PRKRA: variants seen among roughly 807,000 people sequenced by gnomAD.
PRKRA encodes the protein interferon-inducible double-stranded RNA-dependent protein kinase activator A.
A neutral mutation model predicts 32.4 loss-of-function variants in PRKRA; 22 were observed. The ratio of observed to expected loss-of-function variants is 0.68; its 90% CI spans 0.49 to 0.97. The LOEUF is 0.97. PRKRA is among the 50% of genes least tolerant of loss of function. PRKRA has a pLI of 0.00. For missense variants in PRKRA, 319 were observed against 375.6 expected, an observed-to-expected ratio of 0.85 and a Z score of 1.25; for synonymous variants, 139 against 129.8, an observed-to-expected ratio of 1.07 and a Z score of -0.48.
At chr2:178,435,589 C>T (rs1696857136) in intron 7 of PRKRA, among the ~76,000 whole-genome samples, 4 of 152,000 alleles carry the variant, frequency 2.6e-5, no homozygotes, top group Admixed American at 2.0e-4. Context: ...CATTTACCTC[C>T]CAGAATCAGC....
intron 7 of PRKRA, 122 bp from the exon 8 acceptor site, chr2:178,432,376 A>G (rs1696698468): frequency 7.8e-7 from 1 of 1,283,600 alleles, no homozygotes; most frequent in Non-Finnish European, 1.1e-6. Flanking sequence ...ATACTACACC[A>G]CTCGCAATCT....
intron 7 of PRKRA, among the ~76,000 whole-genome samples, chr2:178,434,299 C>T (rs1696794222): frequency 6.6e-6 from 1 of 151,954 alleles, no homozygotes; most frequent in Non-Finnish European, 1.5e-5. Flanking sequence ...TTAGTAGAGA[C>T]AGGGTTTCAC....
intron 2 of PRKRA, among the ~76,000 whole-genome samples, chr2:178,448,689 TGA>T (rs1223687121): frequency 2.0e-5 from 3 of 151,708 alleles, no homozygotes; most frequent in African/African-American, 4.8e-5. Flanking sequence ...ACAATCCAAG[TGA>T]GAGATGATGG....
rs1161213168 is a variant in PRKRA, at chr2:178,443,321, C to A, written c.460G>T (p.Ala154Ser). The A allele has an allele frequency of 1.2e-6, 2 of 1,613,226 alleles. No homozygotes were observed. The highest frequency in any genetic ancestry group is 3.3e-5 in the Admixed American group (2 of 60,012). ...EYTLSQEGGP[A>S]HKREYTTICR... ...ATTGTAGTATATTCTCTCTTATGAG[C>A]AGGTCCTCCCTCCTGGGAAAGGGTA... Residue 154 changes from alanine to serine, a missense_variant, in exon 5 of 8, where the codon GCT (alanine) becomes TCT (serine). Transcript: ENST00000325748.
intron 3 of PRKRA, chr2:178,447,226 A>G (rs1697353413): frequency 2.7e-6 from 1 of 376,838 alleles, no homozygotes; most frequent in African/African-American, 2.1e-5. Flanking sequence ...GTTAATATTA[A>G]TATTTGCAAG....
Position 178,443,446 on chromosome 2 carries a change from T to TAA in PRKRA, c.397-63_397-62insTT. The TAA allele has an allele frequency of 3.8e-6, 3 of 781,826 alleles. No individual in the cohort carries two copies. The South Asian group carries it at 5.1e-5, about 13-fold the overall frequency. The allele number at this position is 781,826 out of a possible 1,614,324, so 48.4% of individuals were successfully genotyped here. A position where few individuals can be genotyped will look rare whatever the true frequency, so the allele number is the denominator to read the frequency against. ...TGCAATGGCTCAATCACATAAGTGT[T>TAA]TTCTTAATTTTGATCCCATTTCTAT... On this transcript the variant is annotated intron_variant, in intron 4 of 7. Coordinates refer to ENST00000325748, the MANE Select transcript of PRKRA (RefSeq NM_003690.5).
At position 178,436,130 on chromosome 2, in the gene PRKRA, A is replaced by G. The variant is rs367606024; in HGVS notation, c.784+15T>C. The G allele has an allele frequency of 7.0e-5, 55 of 788,304 alleles. No homozygotes were observed. The East Asian group carries it at 1.8e-3, about 26-fold the overall frequency. The allele number at this position is 788,304 out of a possible 1,614,324, so 48.8% of individuals were successfully genotyped here. A position where few individuals can be genotyped will look rare whatever the true frequency, so the allele number is the denominator to read the frequency against. ...TAAACATGTCTTGGGAAAGCCAAAG[A>G]AAAAAAAATCATACCTATATCCAAA... On this transcript the variant is annotated intron_variant, in intron 7 of 7. Transcript: ENST00000325748.
intron 2 of PRKRA, among the ~76,000 whole-genome samples, chr2:178,448,278 T>C (rs1575099932): frequency 6.6e-6 from 1 of 152,234 alleles, no homozygotes; most frequent in Non-Finnish European, 1.5e-5. Context: ...TTCCATCTTT[T>C]TCCTTTTAAG....
intron 6 of PRKRA, among the ~76,000 whole-genome samples, chr2:178,437,391 A>G (rs567394922): frequency 7.3e-6 from 1 of 137,068 alleles, no homozygotes; most frequent in Admixed American, 6.8e-5. Context: ...ATGCAAGCAC[A>G]CACAATCTTT....
At chr2:178,447,979 TGCA>T (rs1337272910) in intron 2 of PRKRA, among the ~76,000 whole-genome samples, 1 of 152,250 alleles carries the variant, frequency 6.6e-6, no homozygotes, top group African/African-American at 2.4e-5. Context: ...GAAATTCTTC[TGCA>T]GCAAGAAGTT....
chr2:178,450,546 C>G lies in PRKRA; in HGVS notation c.66-135G>C, dbSNP rs534850994. ...CCCCGGAGGCCAGGGCCAGAGCTGG[C>G]GAGGCTGGGGCGCACCTGTCTTCCG... is the stretch of plus-strand genomic sequence containing the variant. On this transcript the variant is annotated intron_variant, in intron 1 of 7. Coordinates refer to ENST00000325748, the MANE Select transcript of PRKRA (RefSeq NM_003690.5). The G allele has an allele frequency of 2.1e-5, 32 of 1,555,832 alleles. No homozygotes were observed. In the East Asian group the frequency reaches 7.0e-4, roughly 34 times the overall value.
rs749135777 is a variant in PRKRA at position 178,444,540 on chromosome 2, C to T, written c.318-40G>A. 5 of 782,064 alleles carry T rather than the reference C, an allele frequency of 6.4e-6. No individual in the cohort carries two copies. In the South Asian group the frequency reaches 7.2e-5, roughly 11 times the overall value. The allele number at this position is 782,064 out of a possible 1,614,324, so 48.4% of individuals were successfully genotyped here. ...AAAGTGTTATAAAACAAAATAATTT[C>T]CCCCGAATTATGAAATAAATGACAA... On this transcript the variant is annotated intron_variant, in intron 3 of 7. Transcript: ENST00000325748.
chr2:178,432,973 G>A (rs981024063), intron 7 of PRKRA, among the ~76,000 whole-genome samples: 1 of 152,102 alleles, frequency 6.6e-6, no homozygotes, highest in Non-Finnish European at 1.5e-5. Context: ...CTGAAATGAG[G>A]GCAAAGAGGA....
chr2:178,435,033 A>G (rs1210462068), intron 7 of PRKRA, among the ~76,000 whole-genome samples: 1 of 151,920 alleles, frequency 6.6e-6, no homozygotes, highest in East Asian at 1.9e-4. Flanking sequence ...CCTGGCCAAC[A>G]TGGTGAAACC....
At chr2:178,449,371 C>T (rs1261624024) in intron 2 of PRKRA, among the ~76,000 whole-genome samples, 1 of 152,236 alleles carries the variant, frequency 6.6e-6, no homozygotes, top group Non-Finnish European at 1.5e-5. Context: ...AGACTCCAAA[C>T]TTCCAGGGAC....
chr2:178,445,586 A>G (rs185477394), intron 3 of PRKRA: 1 of 154,694 alleles, frequency 6.5e-6, no homozygotes, highest in Non-Finnish European at 1.5e-5. Flanking sequence ...TTTGCTGACA[A>G]AGTGCCAAGA....
At position 178,450,975 on chromosome 2, in the gene PRKRA, C is replaced by T; in HGVS notation, c.56G>A (p.Gly19Glu). ...EAPPLEREDS[G>E]TFSLGKMITA... ...CTGCCCGCACGCTGACCTGAAGGTC[C>T]CACTGTCCTCGCGCTCCAGCGGCGG... is the stretch of plus-strand genomic sequence containing the variant. Residue 19 changes from glycine to glutamate, a missense_variant, in exon 1 of 8, where the codon GGG becomes GAG. Physicochemically the swap from Gly to Glu is moderately conservative, Grantham distance 98. Coordinates refer to ENST00000325748, the MANE Select transcript of PRKRA (RefSeq NM_003690.5). 1 of 1,562,632 alleles carries T rather than the reference C, an allele frequency of 6.4e-7. No homozygotes were observed. Among genetic ancestry groups the T allele is most frequent in the African/African-American group, 1.4e-5 (1 of 71,790 alleles).
Position 178,435,383 on chromosome 2 carries a change from CAAAAAAAA to C in PRKRA, c.784+754_784+761del, listed in dbSNP as rs765962501. Among the ~76,000 whole-genome samples, 6 of 61,448 alleles carry C rather than the reference CAAAAAAAA, an allele frequency of 9.8e-5. No individual in the cohort carries two copies. The South Asian group carries it at 1.8e-3, about 18-fold the overall frequency. The allele number at this position is 61,448 out of a possible 152,430, so 40.3% of individuals were successfully genotyped here. On this transcript the variant is annotated intron_variant, in intron 7 of 7. Transcript: ENST00000325748. ...GGGCAACAGAAACAATACTCCGTCTCAAAAAAAAAAAAAAAAAAAAAAAATCAAGACAC... is the reference window on the plus strand; with the variant it reads ...GGGCAACAGAAACAATACTCCGTCTCAAAAAAAAAAAAAAAATCAAGACAC...
intron 2 of PRKRA, among the ~76,000 whole-genome samples, chr2:178,449,007 C>T (rs554888788): frequency 2.0e-5 from 3 of 152,322 alleles, no homozygotes; most frequent in African/African-American, 4.8e-5. Flanking sequence ...CAGACTGATA[C>T]ACTATTCTGT....
Sources: gnomAD v4.1 joint callset for allele counts (sites outside exome capture counted in the v4.1 genomes callset) on GRCh38, gnomAD v4.1.1 for gene constraint, MANE v1.5 for transcripts, NCBI Gene and HGNC (gene_info 2026-07-23, HGNC 2026-07-21) for gene names.